NEDD4L: variants seen among roughly 807,000 people sequenced by gnomAD.
NEDD4L encodes NEDD4 like E3 ubiquitin protein ligase.
A neutral mutation model predicts 148.9 loss-of-function variants in NEDD4L; 54 were observed. That is an observed-to-expected ratio of 0.36 (90% CI 0.29 to 0.45). The LOEUF is 0.45. NEDD4L is among the 20% of genes least tolerant of loss of function. The probability of loss-of-function intolerance (pLI) is 1.00; values close to 1 mark genes in which losing one functional copy is unlikely to be tolerated. For missense variants in NEDD4L, 856 were observed against 1,233.8 expected, an observed-to-expected ratio of 0.69 and a Z score of 4.59; for synonymous variants, 433 against 440.7, an observed-to-expected ratio of 0.98 and a Z score of 0.22.
intron 16 of NEDD4L, among the ~76,000 whole-genome samples, chr18:58,344,093 G>T (rs1365157381): frequency 6.6e-6 from 1 of 152,154 alleles, no homozygotes; most frequent in South Asian, 2.1e-4. Context: ...ATTGTTATTG[G>T]CCCTAGCTCT....
At chr18:58,247,945 C>T (rs1011760470) in intron 3 of NEDD4L, among the ~76,000 whole-genome samples, 8 of 152,200 alleles carry the variant, frequency 5.3e-5, no homozygotes, top group Admixed American at 2.6e-4. Context: ...TTGAAAACGC[C>T]GGTTCAGTGT....
At chr18:58,392,349 G>C (rs1040314811) in intron 30 of NEDD4L, among the ~76,000 whole-genome samples, 1 of 152,190 alleles carries the variant, frequency 6.6e-6, no homozygotes, top group Non-Finnish European at 1.5e-5. Flanking sequence ...CTCATGCAGC[G>C]GGGGCTGCAA....
chr18:58,195,675 C>G (rs1158153531), intron 2 of NEDD4L: 2 of 1,352,040 alleles, frequency 1.5e-6, no homozygotes, highest in South Asian at 1.1e-5. Context: ...CCATCTGCAT[C>G]TAGACCTGCC....
intron 1 of NEDD4L, among the ~76,000 whole-genome samples, chr18:58,118,444 C>T (rs536591113): frequency 6.6e-6 from 1 of 152,348 alleles, no homozygotes; most frequent in Admixed American, 6.5e-5. Flanking sequence ...ACTAGAAGCT[C>T]TGCTTCATCA....
rs114603135 is a variant in NEDD4L at position 58,161,793 on chromosome 18, C to T, written c.49-3995C>T. On this transcript the variant is annotated intron_variant, in intron 1 of 30. Coordinates refer to ENST00000400345, the MANE Select transcript of NEDD4L (RefSeq NM_001144967.3). ...TATCTCCAGGATCTTCCCCATTTCA[C>T]GGAGAGACATGGATGAGAATGAAGG... 2.5e-3 allele frequency among the ~76,000 whole-genome samples: 377 copies of T among 152,106 alleles called. 3 individuals carry two copies. Among genetic ancestry groups the T allele is most frequent in the African/African-American group, 8.5e-3 (353 of 41,488 alleles).
chr18:58,276,868 G>C (rs1346408614), intron 5 of NEDD4L, among the ~76,000 whole-genome samples: 1 of 152,214 alleles, frequency 6.6e-6, no homozygotes, highest in Non-Finnish European at 1.5e-5. Flanking sequence ...GTAGTTGCTG[G>C]AATGCCTATG....
Position 58,398,158 on chromosome 18 carries a change from A to T in NEDD4L, c.*1889A>T, listed in dbSNP as rs1200883309. On this transcript the variant is annotated 3_prime_UTR_variant, in exon 31 of 31. Transcript: ENST00000400345. Reference sequence around the variant, plus strand: ...CAGAAAACTTAGATGCTATGTAACTAAAAAAAAAAAAAAAAAAAAAAAAAA... The same window carrying T: ...CAGAAAACTTAGATGCTATGTAACTTAAAAAAAAAAAAAAAAAAAAAAAAA... The T allele has an allele frequency of 3.2e-5, 1 of 31,384 alleles. No homozygotes were observed. The highest frequency in any genetic ancestry group is 6.3e-5 in the Non-Finnish European group (1 of 15,992). 1.9% of individuals were successfully genotyped at this position (31,384 alleles called of 1,614,324 possible). A position where few individuals can be genotyped will look rare whatever the true frequency, so the allele number is the denominator to read the frequency against.
intron 2 of NEDD4L, among the ~76,000 whole-genome samples, chr18:58,240,392 C>G (rs753515767): frequency 2.6e-5 from 4 of 152,166 alleles, no homozygotes; most frequent in Non-Finnish European, 5.9e-5. Flanking sequence ...TGGAGTGGCA[C>G]TAAATCATTA....
chr18:58,292,286 C>T (rs916211661), intron 5 of NEDD4L, among the ~76,000 whole-genome samples: 14 of 152,200 alleles, frequency 9.2e-5, no homozygotes, highest in African/African-American at 3.4e-4. Context: ...ACTGCTGCCT[C>T]TGTGGCTTCC....
intron 1 of NEDD4L, among the ~76,000 whole-genome samples, chr18:58,072,610 C>A (rs2082924777): frequency 1.3e-5 from 2 of 152,182 alleles, no homozygotes; most frequent in South Asian, 4.1e-4. Flanking sequence ...GAAAAACTCA[C>A]AGTTAACATC....
intron 24 of NEDD4L, among the ~76,000 whole-genome samples, chr18:58,375,118 TCTCCTCATGCCATCTCCC>T (rs1326542550): frequency 7.9e-5 from 12 of 151,776 alleles, no homozygotes; most frequent in Non-Finnish European, 1.2e-4. Context: ...AATCTCCCTC[TCTCCTCATGCCATCTCCC>T]CTCCTCATGC....
At chr18:58,198,496 A>T (rs2147344215) in intron 2 of NEDD4L, among the ~76,000 whole-genome samples, 1 of 152,124 alleles carries the variant, frequency 6.6e-6, no homozygotes, top group East Asian at 1.9e-4. Context: ...TGGCAAAAGG[A>T]TCCCTGGGCA....
Position 58,341,111 on chromosome 18 carries a change from G to T in NEDD4L, c.1199G>T (p.Arg400Leu), listed in dbSNP as rs1383866958. 6.2e-7 allele frequency: 1 copy of T among 1,611,914 alleles called. No individual in the cohort carries two copies. Among genetic ancestry groups the T allele is most frequent in the Non-Finnish European group, 8.5e-7 (1 of 1,179,088 alleles). ...GWEERKDAKG[R>L]TYYVNHNNRT... ...GAAGAAAGAAAAGATGCTAAGGGGC[G>T]CACATACTATGTCAATCATAACAAT... Residue 400 changes from arginine (R) to leucine (L), a missense_variant, in exon 14 of 31, where the codon CGC (arginine) becomes CTC (leucine). Physicochemically the swap from Arg to Leu is moderately radical, Grantham distance 102 (BLOSUM62 -2). Around this residue, in one of 4 missense-constraint regions of NEDD4L, gnomAD observed 367 missense variants for 422.7 expected, o/e 0.87. Coordinates refer to ENST00000400345, the MANE Select transcript of NEDD4L (RefSeq NM_001144967.3).
chr18:58,243,157 T>C (rs2148374808), intron 2 of NEDD4L, among the ~76,000 whole-genome samples: 1 of 152,324 alleles, frequency 6.6e-6, no homozygotes, highest in South Asian at 2.1e-4. Flanking sequence ...AGCTCTTTAT[T>C]GCAGTTATAT....
chr18:58,357,075 G>T (rs1436319238), intron 18 of NEDD4L, 119 bp from the exon 19 acceptor site: 1 of 852,724 alleles, frequency 1.2e-6, no homozygotes, highest in Non-Finnish European at 1.8e-6. Context: ...TTAGAACACA[G>T]GGTGGGGGAC....
chr18:58,134,145 C>G (rs1323301177), intron 1 of NEDD4L, among the ~76,000 whole-genome samples: 1 of 152,042 alleles, frequency 6.6e-6, no homozygotes, highest in Non-Finnish European at 1.5e-5. Flanking sequence ...GGACTACAGG[C>G]GCGTGCCACA....
chr18:58,235,019 G>A lies in NEDD4L; in HGVS notation c.123-10408G>A, dbSNP rs914386271. Among the ~76,000 whole-genome samples the A allele has an allele frequency of 2.0e-5, 3 of 151,928 alleles. No homozygotes were observed. In the East Asian group the frequency reaches 5.8e-4, roughly 29 times the overall value. ...TGAGCTGAGTGTAGAATAAGTTCCC[G>A]AGGTACTTCTGGCACCGTTGTTACT... On this transcript the variant is annotated intron_variant, in intron 2 of 30. Transcript: ENST00000400345.
intron 2 of NEDD4L, among the ~76,000 whole-genome samples, chr18:58,196,390 A>C (rs569798254): frequency 3.8e-4 from 58 of 152,158 alleles, no homozygotes; most frequent in Non-Finnish European, 6.9e-4. Context: ...CCCTAACTTG[A>C]GTTTTTACAT....
At chr18:58,392,995 C>T (rs903940307) in intron 30 of NEDD4L, among the ~76,000 whole-genome samples, 6 of 152,188 alleles carry the variant, frequency 3.9e-5, no homozygotes, top group Non-Finnish European at 8.8e-5. Context: ...CACAGATTCC[C>T]AGATCACAGG....
Sources: gnomAD v4.1 joint callset for allele counts (sites outside exome capture counted in the v4.1 genomes callset) on GRCh38, gnomAD v4.1.1 for gene constraint, gnomAD v4.1.1 regional missense constraint, MANE v1.5 for transcripts, NCBI Gene and HGNC (gene_info 2026-07-23, HGNC 2026-07-21) for gene names.